Variants in ERC2 observed in about 807,000 individuals in gnomAD.
ERC2 encodes the protein ERC protein 2.
Under a neutral mutation model 114.8 loss-of-function variants are expected in ERC2, and 42 were observed. That is an observed-to-expected ratio of 0.37 (90% CI 0.29 to 0.47). The LOEUF is 0.47. Among genes scored for constraint, ERC2 ranks in the 20% least tolerant of loss-of-function variants. The pLI, the probability that ERC2 is intolerant of heterozygous loss-of-function variation, is 0.99. For missense variants in ERC2, 939 were observed against 1,150.7 expected (o/e 0.82, Z 2.66); for synonymous variants, 454 against 425.5 (o/e 1.07, Z -0.82).
At chr3:55,933,445 A>G (rs952022701) in intron 13 of ERC2, among the ~76,000 whole-genome samples, 3 of 152,260 alleles carry the variant, frequency 2.0e-5, no homozygotes, top group African/African-American at 7.2e-5. Context: ...AAGAAAGAAT[A>G]ACGATACCTG....
In ERC2 at chr3:55,627,578, G is replaced by A. The variant is rs901833137; in HGVS notation, c.*39+56216C>T. 7.2e-5 allele frequency among the ~76,000 whole-genome samples: 11 copies of A among 152,146 alleles called. No homozygotes were observed. The East Asian group carries it at 1.5e-3, about 21-fold the overall frequency. On this transcript the variant is annotated intron_variant, in intron 17 of 17. Coordinates refer to ENST00000288221, the MANE Select transcript of ERC2 (RefSeq NM_015576.3). ...TTGGCCATATGGGTGAGCCAATATC[G>A]TCACCTTAATATTTAGAAGCTAGGC... is the stretch of plus-strand genomic sequence containing the variant.
chr3:56,115,910 A>C (rs2079204373), intron 6 of ERC2, among the ~76,000 whole-genome samples: 2 of 152,152 alleles, frequency 1.3e-5, no homozygotes, highest in Admixed American at 6.5e-5. Flanking sequence ...TAATCCCTCC[A>C]GGGCCAGGTA....
chr3:55,915,027 G>A (rs571890147), intron 13 of ERC2, among the ~76,000 whole-genome samples: 114 of 152,138 alleles, frequency 7.5e-4, no homozygotes, highest in African/African-American at 2.4e-3. Context: ...AATCTATGCC[G>A]TCGTCGCATA....
At chr3:56,331,992 GA>G (rs892823527) in intron 2 of ERC2, among the ~76,000 whole-genome samples, 33 of 152,138 alleles carry the variant, frequency 2.2e-4, no homozygotes, top group Admixed American at 6.5e-4. Flanking sequence ...ATTCACTGGT[GA>G]ACTCACTCCC....
chr3:55,578,319 C>A (rs1019239558), intron 17 of ERC2, among the ~76,000 whole-genome samples: 1 of 152,318 alleles, frequency 6.6e-6, no homozygotes, highest in Admixed American at 6.5e-5. Context: ...GCGACTCTCC[C>A]AGACCTTTTC....
At chr3:55,632,109 A>C (rs567361925) in intron 17 of ERC2, among the ~76,000 whole-genome samples, 1 of 152,328 alleles carries the variant, frequency 6.6e-6, no homozygotes, top group African/African-American at 2.4e-5. Context: ...TACTCTCTGA[A>C]TGAACTCCCA....
chr3:56,186,353 T>G (rs1422555375), intron 3 of ERC2, among the ~76,000 whole-genome samples: 8 of 148,976 alleles, frequency 5.4e-5, no homozygotes, highest in Middle Eastern at 3.2e-3. Flanking sequence ...TGTTGGAGAG[T>G]TTTTTTTTCT....
chr3:56,077,151 T>C (rs1460805810), intron 7 of ERC2, among the ~76,000 whole-genome samples: 2 of 152,208 alleles, frequency 1.3e-5, no homozygotes, highest in Non-Finnish European at 2.9e-5. Context: ...AAAGACAATG[T>C]TTCATTGGCC....
intron 17 of ERC2, among the ~76,000 whole-genome samples, chr3:55,630,421 G>A (rs7615339): frequency 0.34 from 51,776 of 151,984 alleles, 9,832 homozygotes; most frequent in East Asian, 0.61. Flanking sequence ...CACCCGCCTC[G>A]ACCTTCCAAA....
intron 1 of ERC2, among the ~76,000 whole-genome samples, chr3:56,459,296 A>C (rs908491439): frequency 5.3e-5 from 8 of 152,360 alleles, no homozygotes; most frequent in Non-Finnish European, 1.0e-4. Flanking sequence ...CACGGTTTGC[A>C]TAAGGATCTG....
At chr3:56,023,847 G>T (rs1162110998) in intron 7 of ERC2, among the ~76,000 whole-genome samples, 1 of 130,970 alleles carries the variant, frequency 7.6e-6, no homozygotes, top group African/African-American at 2.6e-5. Context: ...AAAGGAAGAG[G>T]CCAGAGTAGG....
chr3:55,774,519 T>C (rs984208858), intron 14 of ERC2, among the ~76,000 whole-genome samples: 2 of 152,246 alleles, frequency 1.3e-5, no homozygotes, highest in Non-Finnish European at 2.9e-5. Flanking sequence ...TCCTGCTCTC[T>C]AGGTGTTCCA....
At chr3:55,778,149 C>T (rs2068760778) in intron 14 of ERC2, among the ~76,000 whole-genome samples, 3 of 152,054 alleles carry the variant, frequency 2.0e-5, no homozygotes, top group African/African-American at 7.3e-5. Flanking sequence ...AATGCATATG[C>T]TTATGTATAA....
At chr3:55,706,836 C>A (rs1203047273) in intron 15 of ERC2, among the ~76,000 whole-genome samples, 1 of 152,192 alleles carries the variant, frequency 6.6e-6, no homozygotes, top group Non-Finnish European at 1.5e-5. Flanking sequence ...TCCATGGATA[C>A]TTCTTGAGAG....
chr3:56,059,474 G>A (rs920250381), intron 7 of ERC2, among the ~76,000 whole-genome samples: 38 of 152,270 alleles, frequency 2.5e-4, no homozygotes, highest in African/African-American at 8.7e-4. Context: ...ATCAGCTACA[G>A]GAAGTAAGTG....
intron 4 of ERC2, among the ~76,000 whole-genome samples, chr3:56,161,916 C>T (rs1378038112): frequency 6.6e-6 from 1 of 152,060 alleles, no homozygotes; most frequent in African/African-American, 2.4e-5. Context: ...ACTTCCAGTA[C>T]TATGTTGAAT....
chr3:55,767,406 T>A (rs1268199983), intron 14 of ERC2, among the ~76,000 whole-genome samples: 1 of 152,232 alleles, frequency 6.6e-6, no homozygotes, highest in Non-Finnish European at 1.5e-5. Flanking sequence ...CAGTTTCCAC[T>A]GGCCGTCTTA....
chr3:55,896,799 C>T (rs2063861511), intron 13 of ERC2, among the ~76,000 whole-genome samples: 1 of 152,152 alleles, frequency 6.6e-6, no homozygotes, highest in Non-Finnish European at 1.5e-5. Context: ...AAGGTTTCTT[C>T]AAGCTAGATG....
intron 14 of ERC2, among the ~76,000 whole-genome samples, chr3:55,748,979 T>C (rs2066487426): frequency 6.6e-6 from 1 of 152,250 alleles, no homozygotes; most frequent in Non-Finnish European, 1.5e-5. Context: ...TAGATCATTT[T>C]AAATCTTTAT....
Sources: gnomAD v4.1 joint callset for allele counts (sites outside exome capture counted in the v4.1 genomes callset) on GRCh38, gnomAD v4.1.1 for gene constraint, MANE v1.5 for transcripts, NCBI Gene and HGNC (gene_info 2026-07-23, HGNC 2026-07-21) for gene names.